SRPK2: variants seen among roughly 807,000 people sequenced by gnomAD.
The protein encoded by SRPK2 is SFRS protein kinase 2.
Under a neutral mutation model 90.8 loss-of-function variants are expected in SRPK2, and 21 were observed. That is an observed-to-expected ratio of 0.23 (90% CI 0.16 to 0.33). The LOEUF (loss-of-function observed/expected upper bound fraction) is 0.33. Among genes scored for constraint, SRPK2 ranks in the 10% least tolerant of loss-of-function variants. The pLI, the probability that SRPK2 is intolerant of heterozygous loss-of-function variation, is 1.00. For missense variants in SRPK2, 620 were observed against 869.0 expected (o/e 0.71, Z 3.60); for synonymous variants, 288 against 311.1 (o/e 0.93, Z 0.78).
At chr7:105,218,071 G>A (rs767268281) in intron 2 of SRPK2, among the ~76,000 whole-genome samples, 4 of 152,160 alleles carry the variant, frequency 2.6e-5, no homozygotes, top group Non-Finnish European at 5.9e-5. Context: ...GTTCTAGGCA[G>A]GAGGACATGA....
intron 9 of SRPK2, chr7:105,143,973 T>C (rs1804171162): frequency 6.6e-6 from 1 of 152,294 alleles, no homozygotes; most frequent in Non-Finnish European, 1.5e-5. Flanking sequence ...GGAAACAACT[T>C]GAGCTTCTCA....
chr7:105,278,241 G>A (rs1244371395), intron 2 of SRPK2, among the ~76,000 whole-genome samples: 6 of 151,468 alleles, frequency 4.0e-5, no homozygotes, highest in South Asian at 2.1e-4. Flanking sequence ...GCTTGAACCC[G>A]GAGGCAGAGG....
intron 2 of SRPK2, chr7:105,298,865 G>T: frequency 1.1e-6 from 1 of 896,130 alleles, no homozygotes; most frequent in Non-Finnish European, 1.3e-6. Flanking sequence ...AGTCTTTCCA[G>T]GGAGACAATG....
Position 105,143,381 on chromosome 7 carries a change from G to A in SRPK2, c.814-51C>T, listed in dbSNP as rs756405140. ...AGTATTCTTCTTTTTAAAGCACCACGATAGTATAACGACTAGCAGCATGGC... is the reference window on the plus strand; with the variant it reads ...AGTATTCTTCTTTTTAAAGCACCACAATAGTATAACGACTAGCAGCATGGC... On this transcript the variant is annotated intron_variant, in intron 9 of 15. Transcript: ENST00000393651. 6 of 1,579,140 alleles carry A rather than the reference G, an allele frequency of 3.8e-6. No individual in the cohort carries two copies. In the Admixed American group the frequency reaches 9.2e-5, roughly 24 times the overall value.
chr7:105,247,261 C>CA (rs1451149802), intron 2 of SRPK2, among the ~76,000 whole-genome samples: 2 of 152,202 alleles, frequency 1.3e-5, no homozygotes, highest in African/African-American at 2.4e-5. Context: ...AGAGACAATT[C>CA]AAAAAATGAT....
At chr7:105,188,449 C>A (rs1225046030) in intron 3 of SRPK2, among the ~76,000 whole-genome samples, 1 of 152,086 alleles carries the variant, frequency 6.6e-6, no homozygotes, top group Non-Finnish European at 1.5e-5. Context: ...GAAAACCACA[C>A]AATTGTACCC....
At chr7:105,307,009 C>T (rs575514320) in intron 2 of SRPK2, among the ~76,000 whole-genome samples, 2 of 152,144 alleles carry the variant, frequency 1.3e-5, no homozygotes, top group African/African-American at 4.8e-5. Context: ...AGAAAGAGAC[C>T]GAATAGCAGG....
intron 2 of SRPK2, chr7:105,244,765 GT>G: frequency 1.0e-6 from 1 of 995,168 alleles, no homozygotes; most frequent in South Asian, 1.3e-5. Flanking sequence ...AACACACCAA[GT>G]TTGTGCGGGA....
At chr7:105,328,947 G>A (rs1299310013) in intron 2 of SRPK2, among the ~76,000 whole-genome samples, 2 of 151,988 alleles carry the variant, frequency 1.3e-5, no homozygotes, top group African/African-American at 4.8e-5. Context: ...TCAGGAGGCT[G>A]ACGTGGGAGG....
At chr7:105,163,415 A>C (rs1807988352) in intron 6 of SRPK2, among the ~76,000 whole-genome samples, 1 of 152,220 alleles carries the variant, frequency 6.6e-6, no homozygotes, top group Non-Finnish European at 1.5e-5. Context: ...GGCAGTTTAC[A>C]AATGAATAAC....
intron 2 of SRPK2, among the ~76,000 whole-genome samples, chr7:105,230,697 G>A (rs1313239225): frequency 5.3e-5 from 8 of 152,260 alleles, no homozygotes; most frequent in East Asian, 1.9e-4. Context: ...GTTGACAAAC[G>A]TCAACTGTTA....
intron 7 of SRPK2, among the ~76,000 whole-genome samples, chr7:105,150,874 T>C (rs552677420): frequency 3.2e-4 from 48 of 152,350 alleles, no homozygotes; most frequent in African/African-American, 1.0e-3. Context: ...AGTATCTTTC[T>C]TTCCTAAAAT....
At chr7:105,168,165 T>C (rs1790327727) in intron 4 of SRPK2, 70 bp from the exon 5 acceptor site, 7 of 1,282,582 alleles carry the variant, frequency 5.5e-6, no homozygotes, top group East Asian at 2.5e-5. Flanking sequence ...GGTATCCAGG[T>C]TGAGCATCCC....
intron 7 of SRPK2, among the ~76,000 whole-genome samples, chr7:105,153,550 A>G (rs1402789249): frequency 6.6e-6 from 1 of 152,144 alleles, no homozygotes; most frequent in Non-Finnish European, 1.5e-5. Flanking sequence ...TCCTCTAAAG[A>G]CTGTCTCCCT....
At chr7:105,343,207 A>T (rs535905801) in intron 2 of SRPK2, among the ~76,000 whole-genome samples, 10 of 152,294 alleles carry the variant, frequency 6.6e-5, no homozygotes, top group African/African-American at 2.2e-4. Context: ...CAAAGGTGGG[A>T]TGATTGCTTG....
chr7:105,308,888 A>T (rs958732308), intron 2 of SRPK2, among the ~76,000 whole-genome samples: 4 of 152,184 alleles, frequency 2.6e-5, no homozygotes, highest in Non-Finnish European at 4.4e-5. Flanking sequence ...TGGAGCCGTC[A>T]TCATTTCTGG....
chr7:105,311,753 G>C (rs1811732949), intron 2 of SRPK2, among the ~76,000 whole-genome samples: 1 of 152,198 alleles, frequency 6.6e-6, no homozygotes, highest in Non-Finnish European at 1.5e-5. Context: ...ATGTAAAATA[G>C]CTCAGATGGT....
At chr7:105,316,636 T>A (rs1444933774) in intron 2 of SRPK2, among the ~76,000 whole-genome samples, 1 of 152,190 alleles carries the variant, frequency 6.6e-6, no homozygotes, top group Non-Finnish European at 1.5e-5. Context: ...TTCCTACTGT[T>A]CTAATTAGAA....
chr7:105,194,505 G>A (rs1025027060), intron 3 of SRPK2, among the ~76,000 whole-genome samples: 1 of 152,136 alleles, frequency 6.6e-6, no homozygotes, highest in Non-Finnish European at 1.5e-5. Context: ...AAACAGCATA[G>A]TTACAGGCCA....
Sources: gnomAD v4.1 joint callset for allele counts (sites outside exome capture counted in the v4.1 genomes callset) on GRCh38, gnomAD v4.1.1 for gene constraint, MANE v1.5 for transcripts, NCBI Gene and HGNC (gene_info 2026-07-23, HGNC 2026-07-21) for gene names.